Variants in KCNQ1OT1 observed in about 807,000 individuals in gnomAD.
KCNQ1OT1 encodes KCNQ1 antisense RNA 2 (non-protein coding).
chr11:2,696,944 C>T, exon 1 of KCNQ1OT1: 1 of 398,424 alleles, frequency 2.5e-6, no homozygotes, highest in Non-Finnish European at 4.4e-6. Flanking sequence ...AATCTGAAAT[C>T]TCTCTTTAGT....
exon 1 of KCNQ1OT1, chr11:2,609,020 T>C (rs1848930550): frequency 5.0e-6 from 2 of 398,362 alleles, no homozygotes; most frequent in Non-Finnish European, 4.4e-6. Flanking sequence ...TTTTATATTC[T>C]ATATTTTATT....
chr11:2,657,699 T>C lies in KCNQ1OT1; in HGVS notation n.42296A>G, dbSNP rs1849874586. ...GTCCTTTTTCTGTTCCAAGATCCCATCTAGGATCGATCATTACATTTATTG... is the reference window on the plus strand; with the variant it reads ...GTCCTTTTTCTGTTCCAAGATCCCACCTAGGATCGATCATTACATTTATTG... On this transcript the variant is annotated non_coding_transcript_exon_variant, in exon 1 of 1. Coordinates refer to ENST00000597346, the Ensembl canonical transcript of KCNQ1OT1. This position sits in a 1 kb window ranked among gnomAD's most constrained non-coding sequence, Gnocchi z 4.8. 3 of 398,620 alleles carry C rather than the reference T, an allele frequency of 7.5e-6. No individual in the cohort carries two copies. Among genetic ancestry groups the C allele is most frequent in the Non-Finnish European group, 1.3e-5 (3 of 226,050 alleles). 24.7% of individuals were successfully genotyped at this position (398,620 alleles called of 1,614,324 possible). A position where few individuals can be genotyped will look rare whatever the true frequency, so the allele number is the denominator to read the frequency against.
chr11:2,641,003 T>A (rs972792094), exon 1 of KCNQ1OT1: 1 of 398,480 alleles, frequency 2.5e-6, no homozygotes, highest in African/African-American at 2.1e-5. Context: ...GATTTCATTC[T>A]TCTTTGGTCA....
In KCNQ1OT1 at chr11:2,666,386, C is replaced by T. The variant is rs554281070; in HGVS notation, n.33609G>A. ...CTGGCCTCTTGTGACATGACAGCTT[C>T]GCAAATCCTTGAGCAAAAACAGCCC... On this transcript the variant is annotated non_coding_transcript_exon_variant, in exon 1 of 1. Transcript: ENST00000597346. 1.8e-4 allele frequency: 73 copies of T among 398,662 alleles called. No individual in the cohort carries two copies. Among genetic ancestry groups the T allele is most frequent in the East Asian group, 1.0e-3 (29 of 28,082 alleles). The allele number at this position is 398,662 out of a possible 1,614,324, so 24.7% of individuals were successfully genotyped here.
rs1382719064 is a variant in KCNQ1OT1 at position 2,682,806 on chromosome 11, G to A, written n.17189C>T. Reference sequence around the variant, plus strand: ...TGGGCACCATGAAATGCAGTGACTTGCAGTGATCCTCCTGGGGCCTTGTAT... The same window carrying A: ...TGGGCACCATGAAATGCAGTGACTTACAGTGATCCTCCTGGGGCCTTGTAT... On this transcript the variant is annotated non_coding_transcript_exon_variant, in exon 1 of 1. Transcript: ENST00000597346. The surrounding 1 kb of genome is among the most constrained non-coding windows in gnomAD (Gnocchi z 5.8). The A allele has an allele frequency of 7.5e-6, 3 of 398,526 alleles. No homozygotes were observed. In the East Asian group the frequency reaches 1.1e-4, roughly 14 times the overall value. The allele number at this position is 398,526 out of a possible 1,614,324, so 24.7% of individuals were successfully genotyped here.
Position 2,683,645 on chromosome 11 carries a change from G to T in KCNQ1OT1, n.16350C>A, listed in dbSNP as rs941744698. On this transcript the variant is annotated non_coding_transcript_exon_variant, in exon 1 of 1. Transcript: ENST00000597346. This position sits in a 1 kb window ranked among gnomAD's most constrained non-coding sequence, Gnocchi z 4.7. ...AACTGGGCCCTGCATCTGCTGCAAG[G>T]AACATCCCTTACTTTCCCATCTCAA... The T allele has an allele frequency of 1.0e-5, 4 of 398,498 alleles. No homozygotes were observed. The highest frequency in any genetic ancestry group is 3.6e-5 in the East Asian group (1 of 28,098). The allele number at this position is 398,498 out of a possible 1,614,324, so 24.7% of individuals were successfully genotyped here. A position where few individuals can be genotyped will look rare whatever the true frequency, so the allele number is the denominator to read the frequency against.
Position 2,690,146 on chromosome 11 carries a change from C to G in KCNQ1OT1, n.9849G>C. 2.5e-6 allele frequency: 1 copy of G among 398,920 alleles called. No individual in the cohort carries two copies. The highest frequency in any genetic ancestry group is 4.4e-6 in the Non-Finnish European group (1 of 226,300). The allele number at this position is 398,920 out of a possible 1,614,324, so 24.7% of individuals were successfully genotyped here. A position where few individuals can be genotyped will look rare whatever the true frequency, so the allele number is the denominator to read the frequency against. On this transcript the variant is annotated non_coding_transcript_exon_variant, in exon 1 of 1. Transcript: ENST00000597346. This position sits in a 1 kb window ranked among gnomAD's most constrained non-coding sequence, Gnocchi z 5.1. ...GAGCAGGGACAAAAAGCGGGCAGCC[C>G]TCCCCAGCATGACAGGATGTGGAAG...
exon 1 of KCNQ1OT1, chr11:2,689,720 G>C (rs1046623742): frequency 5.0e-6 from 2 of 398,574 alleles, no homozygotes; most frequent in African/African-American, 4.1e-5. Flanking sequence ...CCTGGGCCTA[G>C]AGTGCCAGAG....
chr11:2,657,621 C>G lies in KCNQ1OT1; in HGVS notation n.42374G>C, dbSNP rs1051371842. 2 of 398,474 alleles carry G rather than the reference C, an allele frequency of 5.0e-6. No homozygotes were observed. The highest frequency in any genetic ancestry group is 4.1e-5 in the African/African-American group (2 of 48,636). 24.7% of individuals were successfully genotyped at this position (398,474 alleles called of 1,614,324 possible). A position where few individuals can be genotyped will look rare whatever the true frequency, so the allele number is the denominator to read the frequency against. The stretch of plus-strand genomic sequence containing the variant: ...AAACTAAAAAATTAACATTGGTACA[C>G]TATTAAGCTAGAGTTATAAATTTAT... On this transcript the variant is annotated non_coding_transcript_exon_variant, in exon 1 of 1. Transcript: ENST00000597346. This position sits in a 1 kb window ranked among gnomAD's most constrained non-coding sequence, Gnocchi z 4.8.
Position 2,626,997 on chromosome 11 carries a change from G to C in KCNQ1OT1, n.72998C>G. The C allele has an allele frequency of 2.5e-6, 1 of 398,556 alleles. No individual in the cohort carries two copies. The highest frequency in any genetic ancestry group is 4.4e-6 in the Non-Finnish European group (1 of 226,052). 24.7% of individuals were successfully genotyped at this position (398,556 alleles called of 1,614,324 possible). A position where few individuals can be genotyped will look rare whatever the true frequency, so the allele number is the denominator to read the frequency against. Reference sequence around the variant, plus strand: ...TTTTTATTGGGATTACCTTGGATTTGTAGATTGTTTTGTGTGGTACTGACA... The same window carrying C: ...TTTTTATTGGGATTACCTTGGATTTCTAGATTGTTTTGTGTGGTACTGACA... On this transcript the variant is annotated non_coding_transcript_exon_variant, in exon 1 of 1. Coordinates refer to ENST00000597346, the Ensembl canonical transcript of KCNQ1OT1. This position sits in a 1 kb window ranked among gnomAD's most constrained non-coding sequence, Gnocchi z 4.0.
exon 1 of KCNQ1OT1, chr11:2,648,052 A>AC (rs540375360): frequency 9.4e-5 from 9 of 95,852 alleles, no homozygotes; most frequent in African/African-American, 4.3e-4. Flanking sequence ...CATCTCTACC[A>AC]AAAAAAAAAA....
Position 2,613,928 on chromosome 11 carries a change from T to G in KCNQ1OT1, n.86067A>C, listed in dbSNP as rs1216064012. On this transcript the variant is annotated non_coding_transcript_exon_variant, in exon 1 of 1. Transcript: ENST00000597346. This position sits in a 1 kb window ranked among gnomAD's most constrained non-coding sequence, Gnocchi z 4.8. The stretch of plus-strand genomic sequence containing the variant: ...AAGTACTATTCTGTATATGCCCTTT[T>G]GAACTTTGCTTTTCTCACCTAACAA... 2.5e-6 allele frequency: 1 copy of G among 398,502 alleles called. No homozygotes were observed. Among genetic ancestry groups the G allele is most frequent in the Non-Finnish European group, 4.4e-6 (1 of 226,066 alleles). 24.7% of individuals were successfully genotyped at this position (398,502 alleles called of 1,614,324 possible).
exon 1 of KCNQ1OT1, chr11:2,684,113 A>T (rs231356): frequency 0.34 from 134,927 of 398,404 alleles, 27,240 homozygotes; most frequent in East Asian, 0.83. Flanking sequence ...TTTCACATAG[A>T]TTCTTAAGGG....
exon 1 of KCNQ1OT1, chr11:2,699,693 GCCCCGAGGAGAACGGCGCCGAGGAGT>G (rs1850754886): frequency 2.9e-6 from 1 of 350,810 alleles, no homozygotes; most frequent in Non-Finnish European, 5.1e-6. Flanking sequence ...AGCCCCGGGT[GCCCCGAGGAGAACGGCGCCGAGGAGT>G]CCCCGGGGAG....
rs1208047387 is a variant in KCNQ1OT1 at position 2,612,739 on chromosome 11, A to G, written n.87256T>C. The G allele has an allele frequency of 2.5e-6, 1 of 398,554 alleles. No homozygotes were observed. Among genetic ancestry groups the G allele is most frequent in the African/African-American group, 2.1e-5 (1 of 48,732 alleles). The allele number at this position is 398,554 out of a possible 1,614,324, so 24.7% of individuals were successfully genotyped here. ...CCCTAACATTTGGGGCCCTTCAGAG[A>G]TAATTCCTATTTATTGCTCATTATT... On this transcript the variant is annotated non_coding_transcript_exon_variant, in exon 1 of 1. Coordinates refer to ENST00000597346, the Ensembl canonical transcript of KCNQ1OT1. This position sits in a 1 kb window ranked among gnomAD's most constrained non-coding sequence, Gnocchi z 5.5.
exon 1 of KCNQ1OT1, chr11:2,662,337 T>C: frequency 1.7e-6 from 1 of 574,192 alleles, no homozygotes; most frequent in Non-Finnish European, 3.1e-6. Flanking sequence ...TTCCACTTGT[T>C]TTCATGCTTT....
Position 2,682,466 on chromosome 11 carries a change from AAT to A in KCNQ1OT1, n.17527_17528del. 2.6e-6 allele frequency: 1 copy of A among 381,052 alleles called. No individual in the cohort carries two copies. The highest frequency in any genetic ancestry group is 3.7e-5 in the East Asian group (1 of 27,132). 23.6% of individuals were successfully genotyped at this position (381,052 alleles called of 1,614,324 possible). A position where few individuals can be genotyped will look rare whatever the true frequency, so the allele number is the denominator to read the frequency against. ...TGGAGCCTGTCACGGACCCTCAGTGAATGTTTGACGAGTGAGTGAGTGAGTGA... is the reference window on the plus strand; with the variant it reads ...TGGAGCCTGTCACGGACCCTCAGTGAGTTTGACGAGTGAGTGAGTGAGTGA... On this transcript the variant is annotated non_coding_transcript_exon_variant, in exon 1 of 1. Transcript: ENST00000597346. This position sits in a 1 kb window ranked among gnomAD's most constrained non-coding sequence, Gnocchi z 5.8.
Position 2,645,070 on chromosome 11 carries a change from C to T in KCNQ1OT1, n.54925G>A. ...AGGTGCCAATGATGACAGAGCTGGG[C>T]CACAGGGTGGGTAGGTCCTTGAGCT... On this transcript the variant is annotated non_coding_transcript_exon_variant, in exon 1 of 1. Coordinates refer to ENST00000597346, the Ensembl canonical transcript of KCNQ1OT1. The surrounding 1 kb of genome is among the most constrained non-coding windows in gnomAD (Gnocchi z 5.8). 1 of 398,610 alleles carries T rather than the reference C, an allele frequency of 2.5e-6. No individual in the cohort carries two copies. Among genetic ancestry groups the T allele is most frequent in the Non-Finnish European group, 4.4e-6 (1 of 226,158 alleles). The allele number at this position is 398,610 out of a possible 1,614,324, so 24.7% of individuals were successfully genotyped here. A position where few individuals can be genotyped will look rare whatever the true frequency, so the allele number is the denominator to read the frequency against.
chr11:2,638,780 G>A (rs1236959546), exon 1 of KCNQ1OT1: 1 of 152,232 alleles, frequency 6.6e-6, no homozygotes, highest in Non-Finnish European at 1.5e-5. Context: ...GGTTGGGGAA[G>A]TTCTCCTGGA....
Sources: gnomAD v4.1 joint callset for allele counts on GRCh38, gnomAD v4.1.1 for gene constraint, Gnocchi (gnomAD v3.1) non-coding constraint, MANE v1.5 for transcripts, NCBI Gene and HGNC (gene_info 2026-07-23, HGNC 2026-07-21) for gene names.